Variants in KALRN observed in about 807,000 individuals in gnomAD.
KALRN encodes kalirin RhoGEF kinase.
KALRN carries 70 observed loss-of-function variants against 353.7 expected under a neutral mutation model. The ratio of observed to expected loss-of-function variants is 0.20; its 90% CI spans 0.16 to 0.24. The LOEUF (loss-of-function observed/expected upper bound fraction) is 0.24, where lower values mean the gene tolerates loss of function less well. Ranked by LOEUF, KALRN falls within the 10% of genes least tolerant of loss-of-function variation. The pLI, the probability that KALRN is intolerant of heterozygous loss-of-function variation, is 1.00. For synonymous variants in KALRN, 1,391 were observed against 1,434.8 expected (o/e 0.97, Z 0.69); for missense variants, 2,791 against 3,756.7 (o/e 0.74, Z 6.72).
chr3:124,333,608 C>T (rs2080824653), intron 8 of KALRN, among the ~76,000 whole-genome samples: 1 of 152,122 alleles, frequency 6.6e-6, no homozygotes, highest in African/African-American at 2.4e-5. Context: ...TTTACCAAGC[C>T]TGGGCACTGT....
chr3:124,134,658 C>G (rs1199237100), intron 1 of KALRN, among the ~76,000 whole-genome samples: 1 of 152,054 alleles, frequency 6.6e-6, no homozygotes, highest in Non-Finnish European at 1.5e-5. Context: ...GAATCTACAA[C>G]GGACTCAGAC....
At chr3:124,709,692 T>G (rs2150760452) in intron 57 of KALRN, among the ~76,000 whole-genome samples, 1 of 152,294 alleles carries the variant, frequency 6.6e-6, no homozygotes, top group East Asian at 1.9e-4. Flanking sequence ...AGGACTAGAC[T>G]AGAAGTTCCA....
intron 13 of KALRN, among the ~76,000 whole-genome samples, chr3:124,401,692 A>G (rs1425449706): frequency 6.6e-6 from 1 of 152,080 alleles, no homozygotes; most frequent in Admixed American, 6.5e-5. Flanking sequence ...GGTGTAGGCT[A>G]TAACGTCCGG....
At chr3:124,170,370 A>G (rs1475124719) in intron 1 of KALRN, among the ~76,000 whole-genome samples, 1 of 152,196 alleles carries the variant, frequency 6.6e-6, no homozygotes, top group African/African-American at 2.4e-5. Flanking sequence ...TGCATGATCT[A>G]TGCATGCAAA....
chr3:124,585,752 G>A (rs555791191), intron 34 of KALRN, among the ~76,000 whole-genome samples: 1 of 152,232 alleles, frequency 6.6e-6, no homozygotes, highest in East Asian at 1.9e-4. Flanking sequence ...TTTTTGTGTG[G>A]GTAGAAATGA....
chr3:124,686,800 T>A (rs77859529), intron 51 of KALRN, among the ~76,000 whole-genome samples: 4 of 17,160 alleles, frequency 2.3e-4, no homozygotes, highest in Admixed American at 5.7e-4. Flanking sequence ...CTGGTGAGAT[T>A]TTTTTTTTTT....
chr3:124,465,686 T>A (rs2060264258), intron 25 of KALRN, among the ~76,000 whole-genome samples: 1 of 152,208 alleles, frequency 6.6e-6, no homozygotes, highest in African/African-American at 2.4e-5. Context: ...AATCAAAGGA[T>A]GCTTTTTAAC....
intron 1 of KALRN, chr3:124,096,552 T>A (rs543500650): frequency 7.9e-5 from 12 of 152,358 alleles, no homozygotes; most frequent in Non-Finnish European, 1.5e-4. Flanking sequence ...TAGATGTTAA[T>A]GTATAAGCTA....
At chr3:124,258,918 T>TA in intron 3 of KALRN, among the ~76,000 whole-genome samples, 1 of 152,298 alleles carries the variant, frequency 6.6e-6, no homozygotes, top group Non-Finnish European at 1.5e-5. Flanking sequence ...AACCCACAGA[T>TA]ATGGAGGGCC....
At chr3:124,141,987 A>G (rs1316159064) in intron 1 of KALRN, among the ~76,000 whole-genome samples, 1 of 152,150 alleles carries the variant, frequency 6.6e-6, no homozygotes, top group African/African-American at 2.4e-5. Context: ...TGGCCTTTTC[A>G]ACTCTGAAAA....
chr3:124,120,779 G>A (rs962798470), intron 1 of KALRN, among the ~76,000 whole-genome samples: 5 of 146,688 alleles, frequency 3.4e-5, no homozygotes, highest in Admixed American at 1.4e-4. Context: ...CATTCAATGT[G>A]TATTTATGCA....
At chr3:124,442,172 A>G in intron 19 of KALRN, 113 bp downstream of exon 19, 1 of 596,858 alleles carries the variant, frequency 1.7e-6, no homozygotes, top group Non-Finnish European at 2.9e-6. Context: ...TCTCCTTAGA[A>G]ATGAAAATGT....
intron 57 of KALRN, among the ~76,000 whole-genome samples, chr3:124,707,488 A>G (rs1579054312): frequency 8.6e-6 from 1 of 115,892 alleles, no homozygotes; most frequent in African/African-American, 3.4e-5. Context: ...CTTCCTTCCT[A>G]CCTTTTTTCT....
intron 33 of KALRN, among the ~76,000 whole-genome samples, chr3:124,552,890 C>G (rs934172201): frequency 1.1e-4 from 17 of 152,178 alleles, no homozygotes; most frequent in Admixed American, 7.9e-4. Flanking sequence ...CTCAGCCTCC[C>G]AAGTAGCTGG....
intron 1 of KALRN, among the ~76,000 whole-genome samples, chr3:124,133,292 A>G (rs992591073): frequency 2.0e-5 from 3 of 152,232 alleles, no homozygotes; most frequent in Admixed American, 1.3e-4. Flanking sequence ...GCTGGGTGAC[A>G]GTATTTTAGT....
At chr3:124,410,215 C>T (rs761803680) in intron 13 of KALRN, 8 of 532,990 alleles carry the variant, frequency 1.5e-5, no homozygotes, top group Non-Finnish European at 2.3e-5. Context: ...CCAGGACCGT[C>T]GGCACCTTCC....
chr3:124,294,188 T>A (rs1016502837), intron 5 of KALRN, among the ~76,000 whole-genome samples: 1 of 151,962 alleles, frequency 6.6e-6, no homozygotes, highest in Admixed American at 6.6e-5. Context: ...TACACGGACA[T>A]CTACAGCTGC....
In KALRN at chr3:124,334,422, G is replaced by A. The variant is rs1435543271; in HGVS notation, c.1574G>A (p.Ser525Asn). The A allele has an allele frequency of 6.2e-7, 1 of 1,614,218 alleles. No homozygotes were observed. Among genetic ancestry groups the A allele is most frequent in the African/African-American group, 1.3e-5 (1 of 75,066 alleles). Residue 525 changes from serine (S) to asparagine (N), a missense_variant, in exon 9 of 60, where the codon AGC becomes AAC. Coordinates refer to ENST00000682506, the MANE Select transcript of KALRN (RefSeq NM_001388419.1). The surrounding 1 kb of genome is among the most constrained non-coding windows in gnomAD (Gnocchi z 4.2). ...EVLHHQRRLE[S>N]IWQHRKVRLH... ...TTACATCACCAGCGACGGCTGGAGAGCATCTGGCAGCACCGCAAGGTGCGG... is the reference window on the plus strand; with the variant it reads ...TTACATCACCAGCGACGGCTGGAGAACATCTGGCAGCACCGCAAGGTGCGG...
intron 34 of KALRN, among the ~76,000 whole-genome samples, chr3:124,587,698 CTTTTTTTTTTTTT>C: frequency 1.3e-5 from 1 of 75,860 alleles, no homozygotes; most frequent in Non-Finnish European, 2.3e-5. Flanking sequence ...CCACCCTCCA[CTTTTTTTTTTTTT>C]TTTTTTTTTT....
Sources: allele counts gnomAD v4.1 joint callset (sites outside exome capture counted in the v4.1 genomes callset), GRCh38; gene constraint gnomAD v4.1.1; non-coding constraint Gnocchi (gnomAD v3.1); transcripts MANE v1.5; gene names NCBI Gene and HGNC (gene_info 2026-07-23, HGNC 2026-07-21).